The following IGSF10 variants were observed in gnomAD, a reference collection of about 807,000 sequenced individuals.
IGSF10 encodes the protein calvaria mechanical force protein 608.
IGSF10 carries 126 observed loss-of-function variants against 128.2 expected under a neutral mutation model. The observed-to-expected ratio is 0.98, with a 90% CI of 0.85 to 1.14. The LOEUF is 1.14. Among genes scored for constraint, IGSF10 ranks in the 50% most tolerant of loss-of-function variants. The pLI is 0.00. For missense variants in IGSF10, 3,295 were observed against 3,149.8 expected, an observed-to-expected ratio of 1.05 and a Z score of -1.10; for synonymous variants, 1,185 against 1,146.2, an observed-to-expected ratio of 1.03 and a Z score of -0.68.
At chr3:151,543,894 T>G in the IGSF10 span, among the ~76,000 whole-genome samples, 1 of 152,124 alleles carries the variant, frequency 6.6e-6, no homozygotes, top group African/African-American at 2.4e-5. Flanking sequence ...CCCTAAGTGC[T>G]CAAACAGATC....
chr3:151,464,180 T>C (rs1389294928), upstream of IGSF10, among the ~76,000 whole-genome samples: 1 of 152,212 alleles, frequency 6.6e-6, no homozygotes, highest in Non-Finnish European at 1.5e-5. Context: ...ACTACGGTAA[T>C]TTACCTACGC....
At position 151,458,633 on chromosome 3, in the gene IGSF10, C is replaced by T; in HGVS notation, c.77G>A (p.Gly26Asp). 6.2e-7 allele frequency: 1 copy of T among 1,614,052 alleles called. No homozygotes were observed. The highest frequency in any genetic ancestry group is 1.3e-5 in the African/African-American group (1 of 75,038). Reference protein sequence around the residue: ...AVICLVATPGGKACPRRCACY... With the variant: ...AVICLVATPGDKACPRRCACY... Reference sequence around the variant, plus strand: ...GGCACAGCGGCGAGGACAGGCCTTGCCCCCAGGGGTGGCGACCAGGCAGAT... The same window carrying T: ...GGCACAGCGGCGAGGACAGGCCTTGTCCCCAGGGGTGGCGACCAGGCAGAT... Residue 26 changes from glycine to aspartate, a missense_variant, in exon 3 of 8, where the codon GGC becomes GAC. Transcript: ENST00000282466.
At chr3:151,557,680 C>T in the IGSF10 span, among the ~76,000 whole-genome samples, 1 of 151,892 alleles carries the variant, frequency 6.6e-6, no homozygotes, top group Non-Finnish European at 1.5e-5. Context: ...TGTGGATAGA[C>T]TTCCAATCTC....
chr3:151,542,019 T>A, the IGSF10 span, among the ~76,000 whole-genome samples: 1 of 152,192 alleles, frequency 6.6e-6, no homozygotes. Context: ...CACACCCAAC[T>A]CCCTTCTCCT....
the IGSF10 span, among the ~76,000 whole-genome samples, chr3:151,505,313 A>G: frequency 6.6e-6 from 1 of 152,142 alleles, no homozygotes; most frequent in East Asian, 1.9e-4. Context: ...TGAAGGGGGA[A>G]GCCCTTTATA....
chr3:151,573,954 G>C, the IGSF10 span, among the ~76,000 whole-genome samples: 1 of 152,250 alleles, frequency 6.6e-6, no homozygotes, highest in Non-Finnish European at 1.5e-5. Flanking sequence ...GCATTTCCTT[G>C]TCTGTAAAGG....
chr3:151,469,676 C>T, the IGSF10 span, among the ~76,000 whole-genome samples: 1 of 152,238 alleles, frequency 6.6e-6, no homozygotes, highest in East Asian at 1.9e-4. Flanking sequence ...AAGTGTGCAA[C>T]CTATGAAAGT....
chr3:151,540,198 G>A, the IGSF10 span, among the ~76,000 whole-genome samples: 1 of 152,080 alleles, frequency 6.6e-6, no homozygotes, highest in African/African-American at 2.4e-5. Flanking sequence ...TATCATAAGT[G>A]TACAGCTCAG....
chr3:151,602,692 C>A, the IGSF10 span, among the ~76,000 whole-genome samples: 1 of 152,110 alleles, frequency 6.6e-6, no homozygotes, highest in African/African-American at 2.4e-5. Context: ...TTCCCTGCCA[C>A]CCTCCTGCAG....
the IGSF10 span, among the ~76,000 whole-genome samples, chr3:151,541,613 TTCTC>T: frequency 3.3e-5 from 5 of 152,098 alleles, no homozygotes; most frequent in Admixed American, 2.0e-4. Context: ...ATAAATTGGC[TTCTC>T]TCTCTCTGCA....
the IGSF10 span, among the ~76,000 whole-genome samples, chr3:151,538,279 T>C: frequency 1.3e-5 from 2 of 152,228 alleles, no homozygotes; most frequent in African/African-American, 4.8e-5. Flanking sequence ...AGTTCATTAT[T>C]GCCCACTCAT....
the IGSF10 span, among the ~76,000 whole-genome samples, chr3:151,466,997 CTA>C: frequency 6.6e-6 from 1 of 152,088 alleles, no homozygotes; most frequent in Non-Finnish European, 1.5e-5. Flanking sequence ...TGGAAAAAGA[CTA>C]TGTCCCACAG....
the IGSF10 span, among the ~76,000 whole-genome samples, chr3:151,569,278 G>A: frequency 6.6e-6 from 1 of 152,128 alleles, no homozygotes; most frequent in Non-Finnish European, 1.5e-5. Flanking sequence ...CGCCATGTTG[G>A]CCAGGCTGGT....
chr3:151,520,784 A>G, the IGSF10 span, among the ~76,000 whole-genome samples: 1 of 151,814 alleles, frequency 6.6e-6, no homozygotes, highest in Admixed American at 6.6e-5. Context: ...ACACACTTAA[A>G]CATAAGACCA....
At chr3:151,463,117 A>T (rs1560185265), upstream of IGSF10, among the ~76,000 whole-genome samples, 1 of 152,180 alleles carries the variant, frequency 6.6e-6, no homozygotes, top group East Asian at 1.9e-4. Context: ...TTTCAAAGTG[A>T]ACTCCTGATA....
the IGSF10 span, among the ~76,000 whole-genome samples, chr3:151,513,100 C>T: frequency 6.6e-6 from 1 of 152,144 alleles, no homozygotes; most frequent in East Asian, 1.9e-4. Flanking sequence ...GGGAATCCTC[C>T]CTAACTCATT....
At chr3:151,579,270 A>G in the IGSF10 span, among the ~76,000 whole-genome samples, 8 of 152,150 alleles carry the variant, frequency 5.3e-5, no homozygotes, top group Admixed American at 5.2e-4. Flanking sequence ...TATAAATACT[A>G]TATACCTCAG....
At chr3:151,498,940 T>G in the IGSF10 span, among the ~76,000 whole-genome samples, 1 of 152,150 alleles carries the variant, frequency 6.6e-6, no homozygotes, top group East Asian at 1.9e-4. Context: ...TGGCTCATAT[T>G]GCATTTGTTT....
the IGSF10 span, among the ~76,000 whole-genome samples, chr3:151,590,787 C>T: frequency 2.0e-5 from 3 of 152,130 alleles, no homozygotes; most frequent in African/African-American, 7.2e-5. Flanking sequence ...AGATAGAAAG[C>T]AGATAAATTT....
Sources: allele counts gnomAD v4.1 joint callset (sites outside exome capture counted in the v4.1 genomes callset), GRCh38; gene constraint gnomAD v4.1.1; transcripts MANE v1.5; gene names NCBI Gene and HGNC (gene_info 2026-07-23, HGNC 2026-07-21).